FANCL: variants seen among roughly 807,000 people sequenced by gnomAD.
FANCL encodes FA complementation group L, also known as E3 ubiquitin-protein ligase FANCL.
In FANCL, 69 loss-of-function variants were observed where a neutral mutation model predicts 59.4. The ratio of observed to expected loss-of-function variants is 1.16; its 90% CI spans 0.96 to 1.42. FANCL has a LOEUF of 1.42. FANCL is among the 40% of genes most tolerant of loss of function. FANCL has a pLI of 0.00. For missense variants in FANCL, 519 were observed against 447.2 expected, an observed-to-expected ratio of 1.16 and a Z score of -1.45; for synonymous variants, 180 against 147.1, an observed-to-expected ratio of 1.22 and a Z score of -1.62.
intron 5 of FANCL, 113 bp from the exon 6 acceptor site, chr2:58,204,339 T>A: frequency 1.2e-6 from 1 of 858,850 alleles, no homozygotes; most frequent in Non-Finnish European, 2.0e-6. Flanking sequence ...TAATCCATTA[T>A]AAAAATCAGA....
chr2:58,175,289 C>T (rs1281924829), intron 7 of FANCL, among the ~76,000 whole-genome samples: 1 of 148,758 alleles, frequency 6.7e-6, no homozygotes, highest in Non-Finnish European at 1.5e-5. Flanking sequence ...TTTTATGAGG[C>T]CAGCATCATT....
intron 5 of FANCL, among the ~76,000 whole-genome samples, chr2:58,221,640 T>G (rs182656833): frequency 8.6e-4 from 131 of 152,312 alleles, no homozygotes; most frequent in African/African-American, 3.0e-3. Context: ...TCAGCATTAC[T>G]CTTCAAACAT....
rs1199195809 is a variant in FANCL, at chr2:58,187,781, AAAC to A, written c.540+10810_540+10812del. Reference sequence around the variant, plus strand: ...AAAATCTAGAACGTGTGTATACATAAAACAACGTCCATTTTGAGTTTTATTATT... The same window carrying A: ...AAAATCTAGAACGTGTGTATACATAAAACGTCCATTTTGAGTTTTATTATT... On this transcript the variant is annotated intron_variant, in intron 7 of 13. Transcript: ENST00000233741. Among the ~76,000 whole-genome samples the A allele has an allele frequency of 5.9e-5, 9 of 152,306 alleles. No homozygotes were observed. In the South Asian group the frequency reaches 1.7e-3, roughly 28 times the overall value.
chr2:58,229,652 G>A (rs1693381295), intron 3 of FANCL, among the ~76,000 whole-genome samples, 162 bp downstream of exon 3: 2 of 152,188 alleles, frequency 1.3e-5, no homozygotes, highest in South Asian at 2.1e-4. Flanking sequence ...GAGATCTCCT[G>A]AGGACACTGA....
chr2:58,204,202 G>A lies in FANCL; in HGVS notation c.399C>T (p.Phe133=). 9 of 1,613,232 alleles carry A rather than the reference G, an allele frequency of 5.6e-6. No homozygotes were observed. Among genetic ancestry groups the A allele is most frequent in the Middle Eastern group, 3.3e-4 (2 of 6,060 alleles). ...CTTCTGCTTTTAACTTGATGGTACTGAAGCAGGTATCCGCATACACAAGTC... is the reference window on the plus strand; with the variant it reads ...CTTCTGCTTTTAACTTGATGGTACTAAAGCAGGTATCCGCATACACAAGTC... ...WDKLVYADTC[F]STIKLKAEDA... Residue 133 remains phenylalanine (F), a synonymous_variant, in exon 6 of 14, where the codon TTC becomes TTT. Transcript: ENST00000233741.
chr2:58,163,595 G>A (rs1419945688), intron 8 of FANCL, 78 bp from the exon 9 acceptor site: 6 of 884,522 alleles, frequency 6.8e-6, no homozygotes, highest in Non-Finnish European at 9.4e-6. Flanking sequence ...AGAGGTGTTG[G>A]TCTGGCTACC....
At chr2:58,176,625 T>C (rs981843054) in intron 7 of FANCL, among the ~76,000 whole-genome samples, 1 of 152,140 alleles carries the variant, frequency 6.6e-6, no homozygotes, top group African/African-American at 2.4e-5. Flanking sequence ...ATACAAAAAT[T>C]AATTCAAGAT....
intron 7 of FANCL, among the ~76,000 whole-genome samples, chr2:58,172,263 G>A (rs753400574): frequency 2.0e-5 from 3 of 152,208 alleles, no homozygotes; most frequent in Admixed American, 6.5e-5. Flanking sequence ...CTCTCAGCAC[G>A]CACCTGGAGA....
intron 5 of FANCL, among the ~76,000 whole-genome samples, chr2:58,212,567 A>G (rs983527405): frequency 1.3e-5 from 2 of 152,266 alleles, no homozygotes; most frequent in African/African-American, 4.8e-5. Flanking sequence ...TACTCAAAGC[A>G]AAAGTATTTG....
chr2:58,229,541 G>GA, intron 3 of FANCL, among the ~76,000 whole-genome samples: 1 of 152,174 alleles, frequency 6.6e-6, no homozygotes, highest in East Asian at 1.9e-4. Flanking sequence ...AGTCTCAGAA[G>GA]AAAAATCACT....
At chr2:58,202,905 T>C (rs940550156) in intron 6 of FANCL, among the ~76,000 whole-genome samples, 9 of 151,292 alleles carry the variant, frequency 5.9e-5, no homozygotes, top group Non-Finnish European at 1.3e-4. Flanking sequence ...TTGGTCTTCA[T>C]AGAAAAACGG....
Position 58,159,334 on chromosome 2 carries a change from G to C in FANCL, c.*431C>G. Reference sequence around the variant, plus strand: ...ACGTCTAACAAACTAAACTATATATGTATTTTTTCCATAGGAAAGCACAAG... The same window carrying C: ...ACGTCTAACAAACTAAACTATATATCTATTTTTTCCATAGGAAAGCACAAG... On this transcript the variant is annotated 3_prime_UTR_variant, in exon 14 of 14. Transcript: ENST00000233741. 1 of 1,574,564 alleles carries C rather than the reference G, an allele frequency of 6.4e-7. No individual in the cohort carries two copies. Among genetic ancestry groups the C allele is most frequent in the Non-Finnish European group, 8.6e-7 (1 of 1,161,670 alleles).
intron 4 of FANCL, among the ~76,000 whole-genome samples, chr2:58,224,562 G>GA (rs1692797094): frequency 1.3e-5 from 2 of 151,894 alleles, no homozygotes; most frequent in South Asian, 4.2e-4. Flanking sequence ...AAGGACTCCA[G>GA]AAAACAACCT....
intron 11 of FANCL, 140 bp downstream of exon 11, chr2:58,162,726 G>A (rs1462495509): frequency 7.9e-6 from 6 of 759,200 alleles, no homozygotes; most frequent in Non-Finnish European, 1.1e-5. Flanking sequence ...AGGTAAACAA[G>A]TTTTTTGATG....
intron 7 of FANCL, among the ~76,000 whole-genome samples, chr2:58,177,813 A>G (rs1189010367): frequency 1.3e-5 from 2 of 151,670 alleles, no homozygotes; most frequent in Non-Finnish European, 2.9e-5. Flanking sequence ...GAAAAAGAAA[A>G]AACAAAAAAA....
chr2:58,227,099 C>T (rs1026075646), intron 3 of FANCL, among the ~76,000 whole-genome samples: 1 of 152,186 alleles, frequency 6.6e-6, no homozygotes, highest in Non-Finnish European at 1.5e-5. Flanking sequence ...GCAGGGCATG[C>T]GATGGGAGTG....
intron 5 of FANCL, among the ~76,000 whole-genome samples, chr2:58,218,855 G>A (rs139159257): frequency 6.6e-6 from 1 of 151,758 alleles, no homozygotes; most frequent in Non-Finnish European, 1.5e-5. Flanking sequence ...GTAGACATCA[G>A]TATAAAATCA....
At chr2:58,236,057 A>T (rs1693991302) in intron 1 of FANCL, among the ~76,000 whole-genome samples, 1 of 151,696 alleles carries the variant, frequency 6.6e-6, no homozygotes, top group Admixed American at 6.6e-5. Flanking sequence ...GAACAAAAAA[A>T]AAAAAAGAAA....
chr2:58,192,814 G>C (rs1689063571), intron 7 of FANCL, among the ~76,000 whole-genome samples: 1 of 151,786 alleles, frequency 6.6e-6, no homozygotes, highest in African/African-American at 2.4e-5. Flanking sequence ...TGCCCCTGGA[G>C]AAACAGGTGA....
Sources: gnomAD v4.1 joint callset for allele counts (sites outside exome capture counted in the v4.1 genomes callset) on GRCh38, gnomAD v4.1.1 for gene constraint, MANE v1.5 for transcripts, NCBI Gene and HGNC (gene_info 2026-07-23, HGNC 2026-07-21) for gene names.